Variants in VWA3A observed in about 807,000 individuals in gnomAD.
VWA3A encodes the protein von Willebrand factor A domain containing 3A, also known as von Willebrand factor A domain-containing protein 3A.
A neutral mutation model predicts 160.4 loss-of-function variants in VWA3A; 134 were observed. That is an observed-to-expected ratio of 0.84 (90% CI 0.73 to 0.96). The LOEUF (loss-of-function observed/expected upper bound fraction) is 0.96, where lower values mean the gene tolerates loss of function less well. Ranked by LOEUF, VWA3A falls within the 40% of genes least tolerant of loss-of-function variation. VWA3A has a pLI of 0.00. For synonymous variants in VWA3A, 476 were observed against 543.4 expected (o/e 0.88, Z 1.72); for missense variants, 1,310 against 1,447.9 (o/e 0.90, Z 1.55).
intron 22 of VWA3A, 131 bp from the exon 23 acceptor site, chr16:22,140,023 T>C (rs1268870138): frequency 7.5e-6 from 6 of 805,308 alleles, no homozygotes; most frequent in Non-Finnish European, 1.2e-5. Flanking sequence ...GGGCCAAACC[T>C]GTCTGAGGAG....
intron 1 of VWA3A, among the ~76,000 whole-genome samples, chr16:22,095,039 A>G (rs1190250132): frequency 6.6e-6 from 1 of 151,908 alleles, no homozygotes; most frequent in African/African-American, 2.4e-5. Flanking sequence ...CAAAATATTT[A>G]TCGAGTGTCT....
chr16:22,112,224 G>A (rs78491930), intron 8 of VWA3A, among the ~76,000 whole-genome samples: 4,725 of 152,222 alleles, frequency 0.031, 203 homozygotes, highest in African/African-American at 0.1. Context: ...TTTATTTTCC[G>A]TGAAGGGAAT....
At chr16:22,097,386 T>C (rs1307715102) in intron 2 of VWA3A, among the ~76,000 whole-genome samples, 186 bp from the exon 3 acceptor site, 3 of 152,154 alleles carry the variant, frequency 2.0e-5, no homozygotes, top group African/African-American at 7.2e-5. Context: ...GTTATCTAAA[T>C]AATAAAATAT....
At chr16:22,130,924 G>T (rs1018550463) in intron 17 of VWA3A, among the ~76,000 whole-genome samples, 6 of 151,928 alleles carry the variant, frequency 3.9e-5, no homozygotes, top group African/African-American at 1.5e-4. Context: ...TGCAGTGAGA[G>T]AAGCCATGCT....
At chr16:22,141,725 C>A (rs985606581) in intron 24 of VWA3A, 33 bp downstream of exon 24, 1 of 1,555,674 alleles carries the variant, frequency 6.4e-7, no homozygotes, top group Non-Finnish European at 8.8e-7. Flanking sequence ...GTCTGGACAG[C>A]CCCCTGGCCC....
chr16:22,154,323 CTT>C (rs988862954), intron 31 of VWA3A, among the ~76,000 whole-genome samples: 4,655 of 73,828 alleles, frequency 0.063, 40 homozygotes, highest in Middle Eastern at 0.14. Context: ...TTTTCTTTTT[CTT>C]TTTTTTTTTT....
At chr16:22,153,856 C>T (rs1415192532) in intron 31 of VWA3A, among the ~76,000 whole-genome samples, 2 of 151,906 alleles carry the variant, frequency 1.3e-5, no homozygotes, top group African/African-American at 2.4e-5. Flanking sequence ...CTTTCCACCT[C>T]AGCCTGCAGA....
chr16:22,155,812 C>A, intron 32 of VWA3A, 39 bp from the exon 33 acceptor site: 1 of 1,613,548 alleles, frequency 6.2e-7, no homozygotes, highest in Non-Finnish European at 8.5e-7. Context: ...GAAATCTGGG[C>A]ACCAGGGAGA....
chr16:22,102,260 G>A (rs1008847420), intron 5 of VWA3A, among the ~76,000 whole-genome samples: 2 of 152,072 alleles, frequency 1.3e-5, no homozygotes, highest in African/African-American at 4.8e-5. Flanking sequence ...TGAGGTGAGA[G>A]GATCACCTGA....
intron 8 of VWA3A, among the ~76,000 whole-genome samples, chr16:22,112,972 A>G (rs1011288426): frequency 6.6e-6 from 1 of 152,202 alleles, no homozygotes; most frequent in Non-Finnish European, 1.5e-5. Context: ...TGAAATGAAA[A>G]CAAAGTACCT....
rs2046433412 is a variant in VWA3A at position 22,155,898 on chromosome 16, C to G, written c.3551C>G (p.Ser1184Cys). 1 of 1,613,990 alleles carries G rather than the reference C, an allele frequency of 6.2e-7. No homozygotes were observed. Among genetic ancestry groups the G allele is most frequent in the East Asian group, 2.2e-5 (1 of 44,880 alleles). Reference sequence around the variant, plus strand: ...GATGCAGAACCAAAGGTCACTCTTTCCTAGAGAAGTGTTCTCAGGTAAGGG... The same window carrying G: ...GATGCAGAACCAAAGGTCACTCTTTGCTAGAGAAGTGTTCTCAGGTAAGGG... The part of the protein sequence containing the change: ...KNDAEPKVTL[S>C] Residue 1184 changes from serine to cysteine, a missense_variant, in exon 33 of 34, where the codon TCC becomes TGC. Transcript: ENST00000389398.
rs1363970112 is a variant in VWA3A, at chr16:22,132,919, T to G, written c.1892T>G (p.Met631Arg). 1 of 1,613,626 alleles carries G rather than the reference T, an allele frequency of 6.2e-7. No individual in the cohort carries two copies. Among genetic ancestry groups the G allele is most frequent in the Non-Finnish European group, 8.5e-7 (1 of 1,179,818 alleles). Residue 631 changes from methionine to arginine, a missense_variant, in exon 20 of 34, where the codon ATG becomes AGG. Physicochemically the swap from Met to Arg is moderately conservative, Grantham distance 91 (BLOSUM62 -1). Transcript: ENST00000389398. ...DQDMPTLSAYMAEACGGCDLQ... is the reference protein window; with the variant it reads ...DQDMPTLSAYRAEACGGCDLQ... ...CACCAGCCTACACTCAGTGCCTACA[T>G]GGCTGAGGCCTGTGGCGGCTGCGAC...
At chr16:22,138,894 G>C (rs1364527924) in intron 22 of VWA3A, among the ~76,000 whole-genome samples, 1 of 152,098 alleles carries the variant, frequency 6.6e-6, no homozygotes, top group African/African-American at 2.4e-5. Context: ...CCAAGACTTT[G>C]CAGAGGCTGA....
At position 22,116,883 on chromosome 16, in the gene VWA3A, T is replaced by C. The variant is rs2045657659; in HGVS notation, c.924+16T>C. The C allele has an allele frequency of 1.9e-6, 3 of 1,606,822 alleles. No homozygotes were observed. In the African/African-American group the frequency reaches 4.0e-5, roughly 21 times the overall value. On this transcript the variant is annotated intron_variant, in intron 10 of 33. Transcript: ENST00000389398. The stretch of plus-strand genomic sequence containing the variant: ...GATGCCCCCTGTGAGTGCCCGAGAT[T>C]CTCTGAGGTGCCCCTTGGCTTTGGT...
At chr16:22,096,775 C>A in intron 1 of VWA3A, 84 bp from the exon 2 acceptor site, 2 of 892,042 alleles carry the variant, frequency 2.2e-6, no homozygotes, top group South Asian at 1.6e-5. Flanking sequence ...GAAAAAGAAG[C>A]ATTGTGCTGA....
At chr16:22,133,592 G>A (rs1394989977) in intron 20 of VWA3A, among the ~76,000 whole-genome samples, 1 of 147,948 alleles carries the variant, frequency 6.8e-6, no homozygotes, top group Non-Finnish European at 1.5e-5. Context: ...GGAGGTTGCA[G>A]TGAGCAGAGA....
chr16:22,154,940 G>T (rs74904488), intron 31 of VWA3A, among the ~76,000 whole-genome samples: 2 of 123,468 alleles, frequency 1.6e-5, no homozygotes, highest in Non-Finnish European at 1.6e-5. Context: ...CGGCCTGGGC[G>T]ACAGAGCGAG....
intron 6 of VWA3A, among the ~76,000 whole-genome samples, chr16:22,107,627 T>A (rs1207780077): frequency 6.6e-6 from 1 of 152,126 alleles, no homozygotes; most frequent in Non-Finnish European, 1.5e-5. Context: ...ACACCTATAG[T>A]CCCAGCTACT....
Position 22,148,248 on chromosome 16 carries a change from C to T in VWA3A, c.2926C>T (p.Gln976Ter), listed in dbSNP as rs769130223. ...TSGSMGPYLQQVKTELVLLIW... is the reference protein window; with the variant it reads ...TSGSMGPYLQ ...AGGGTCCATGGGCCCCTACCTGCAG[C>T]AGGTGAAGACAGAGCTGGTTTTGCT... Residue 976 changes from glutamine to a stop codon, truncating the protein, a stop_gained, in exon 28 of 34, where the codon CAG becomes TAG. Transcript: ENST00000389398. LOFTEE classifies it high-confidence loss of function. 1.3e-6 allele frequency: 2 copies of T among 1,598,000 alleles called. No individual in the cohort carries two copies. The highest frequency in any genetic ancestry group is 2.3e-5 in the South Asian group (2 of 87,824).
Sources: allele counts gnomAD v4.1 joint callset (sites outside exome capture counted in the v4.1 genomes callset), GRCh38; gene constraint gnomAD v4.1.1; transcripts MANE v1.5; gene names NCBI Gene and HGNC (gene_info 2026-07-23, HGNC 2026-07-21).